Variants in CTNNA2 observed in about 807,000 individuals in gnomAD.
The protein encoded by CTNNA2 is catenin alpha-2.
CTNNA2 carries 42 observed loss-of-function variants against 101.0 expected under a neutral mutation model. The observed-to-expected ratio is 0.42, with a 90% CI of 0.32 to 0.54. The LOEUF (loss-of-function observed/expected upper bound fraction) is 0.54. Ranked by LOEUF, CTNNA2 falls within the 20% of genes least tolerant of loss-of-function variation. The pLI is 0.14. For missense variants in CTNNA2, 871 were observed against 1,223.1 expected (o/e 0.71, Z 4.29); for synonymous variants, 450 against 456.4 (o/e 0.99, Z 0.18).
At chr2:80,582,867 G>A (rs983303824) in intron 14 of CTNNA2, among the ~76,000 whole-genome samples, 6 of 152,228 alleles carry the variant, frequency 3.9e-5, no homozygotes, top group Non-Finnish European at 5.9e-5. Context: ...AATAATCAGA[G>A]GTTAAAATAA....
At chr2:80,646,949 A>C (rs1336333788) in intron 18 of CTNNA2, among the ~76,000 whole-genome samples, 5 of 152,090 alleles carry the variant, frequency 3.3e-5, no homozygotes, top group African/African-American at 1.2e-4. Context: ...GAAAATACAA[A>C]TTTCTCATAA....
At chr2:79,768,329 C>A (rs1673310329) in intron 3 of CTNNA2, among the ~76,000 whole-genome samples, 1 of 151,206 alleles carries the variant, frequency 6.6e-6, no homozygotes, top group Admixed American at 6.6e-5. Flanking sequence ...GGTTTTAACA[C>A]TGTATGATTG....
chr2:79,842,050 C>G (rs1679860336), intron 3 of CTNNA2, among the ~76,000 whole-genome samples: 1 of 152,066 alleles, frequency 6.6e-6, no homozygotes, highest in African/African-American at 2.4e-5. Context: ...TGTTTCAGTT[C>G]TTTCAAATTA....
intron 7 of CTNNA2, chr2:80,299,526 T>A (rs1676056027): frequency 6.6e-6 from 1 of 152,212 alleles, no homozygotes; most frequent in Admixed American, 6.5e-5. Flanking sequence ...TCTATGGTCA[T>A]CATTTGCTCT....
chr2:80,464,981 A>T (rs1173662275), intron 9 of CTNNA2, among the ~76,000 whole-genome samples: 1 of 152,072 alleles, frequency 6.6e-6, no homozygotes, highest in African/African-American at 2.4e-5. Flanking sequence ...CATGGCATAA[A>T]CCCTCATAAA....
chr2:79,581,067 AT>A (rs956326095), intron 1 of CTNNA2, among the ~76,000 whole-genome samples: 2 of 152,178 alleles, frequency 1.3e-5, no homozygotes, highest in African/African-American at 4.8e-5. Flanking sequence ...CCCTTACGTT[AT>A]TGCCAAGATG....
intron 4 of CTNNA2, among the ~76,000 whole-genome samples, chr2:79,448,783 T>C (rs1376448533): frequency 6.6e-6 from 1 of 152,088 alleles, no homozygotes; most frequent in Non-Finnish European, 1.5e-5. Context: ...GTTTATGCCA[T>C]GAAGAGTTAA....
At chr2:80,348,613 A>T (rs1174726114) in intron 7 of CTNNA2, among the ~76,000 whole-genome samples, 1 of 152,120 alleles carries the variant, frequency 6.6e-6, no homozygotes, top group Non-Finnish European at 1.5e-5. Context: ...ATTAACAGCA[A>T]CTTTAAAAAG....
rs1228461630 is a variant in CTNNA2 at position 80,259,253 on chromosome 2, A to C, written c.1057-133958A>C. Among the ~76,000 whole-genome samples, 5 of 152,316 alleles carry C rather than the reference A, an allele frequency of 3.3e-5. No homozygotes were observed. In the East Asian group the frequency reaches 9.6e-4, roughly 29 times the overall value. ...TTTCCCAACTCAGACATGATCCCTAACATTGACCCCATTTATTCCACTGTT... is the reference window on the plus strand; with the variant it reads ...TTTCCCAACTCAGACATGATCCCTACCATTGACCCCATTTATTCCACTGTT... On this transcript the variant is annotated intron_variant, in intron 7 of 18. Coordinates refer to ENST00000402739, the MANE Select transcript of CTNNA2 (RefSeq NM_001282597.3).
chr2:80,234,031 G>A (rs1709406221), intron 7 of CTNNA2, among the ~76,000 whole-genome samples: 1 of 139,880 alleles, frequency 7.1e-6, no homozygotes, highest in Admixed American at 7.7e-5. Flanking sequence ...CCAAATAAAG[G>A]ATACTAATAG....
At chr2:79,929,928 A>G (rs1439733468) in intron 7 of CTNNA2, among the ~76,000 whole-genome samples, 2 of 152,120 alleles carry the variant, frequency 1.3e-5, no homozygotes, top group Admixed American at 6.6e-5. Context: ...TAGTTCTTCC[A>G]TATCATAAAA....
chr2:79,521,141 TATATATATATATATATATATATATATA>T (rs1281570247), intron 1 of CTNNA2, among the ~76,000 whole-genome samples: 1 of 53,938 alleles, frequency 1.9e-5, no homozygotes, highest in African/African-American at 9.7e-5. Flanking sequence ...TATATATATA[TATATATATATATATATATATATATATA>T]AATTTTAAGG....
At chr2:80,205,606 C>A (rs1707485058) in intron 7 of CTNNA2, among the ~76,000 whole-genome samples, 1 of 152,200 alleles carries the variant, frequency 6.6e-6, no homozygotes, top group African/African-American at 2.4e-5. Flanking sequence ...AATGACCACA[C>A]ACATTTAACA....
chr2:80,347,828 T>TTTTTC (rs1290418709), intron 7 of CTNNA2, among the ~76,000 whole-genome samples: 1 of 140,068 alleles, frequency 7.1e-6, no homozygotes, highest in Non-Finnish European at 1.5e-5. Context: ...TATCTTTTCC[T>TTTTTC]TTTTCTTTTC....
At chr2:80,421,732 C>T (rs1274125269) in intron 9 of CTNNA2, among the ~76,000 whole-genome samples, 2 of 149,130 alleles carry the variant, frequency 1.3e-5, no homozygotes, top group East Asian at 3.9e-4. Flanking sequence ...CTAGGAGATA[C>T]AGGGGCTAGT....
chr2:79,472,126 G>A (rs1671005926), intron 4 of CTNNA2, among the ~76,000 whole-genome samples: 1 of 152,160 alleles, frequency 6.6e-6, no homozygotes, highest in Admixed American at 6.5e-5. Flanking sequence ...AACAAGTTAT[G>A]TGCTTCCAAA....
intron 9 of CTNNA2, among the ~76,000 whole-genome samples, chr2:80,445,437 C>A (rs1014046843): frequency 1.3e-4 from 20 of 152,086 alleles, no homozygotes; most frequent in Non-Finnish European, 2.2e-4. Context: ...CACCTTATTC[C>A]CTCAAAATGC....
chr2:80,575,889 C>A (rs1214750976), intron 13 of CTNNA2, among the ~76,000 whole-genome samples: 1 of 152,090 alleles, frequency 6.6e-6, no homozygotes, highest in East Asian at 1.9e-4. Flanking sequence ...GGATTTCACA[C>A]CACTTAAAAT....
chr2:79,937,025 C>A (rs1687838910), intron 7 of CTNNA2, among the ~76,000 whole-genome samples: 2 of 152,124 alleles, frequency 1.3e-5, no homozygotes, highest in Non-Finnish European at 2.9e-5. Flanking sequence ...GAAAATAATG[C>A]CATTGACCTC....
Sources: allele counts gnomAD v4.1 joint callset (sites outside exome capture counted in the v4.1 genomes callset), GRCh38; gene constraint gnomAD v4.1.1; transcripts MANE v1.5; gene names NCBI Gene and HGNC (gene_info 2026-07-23, HGNC 2026-07-21).